Variants in ETV2 observed in about 807,000 individuals in gnomAD.
The protein encoded by ETV2 is ETS variant transcription factor 2.
A neutral mutation model predicts 35.7 loss-of-function variants in ETV2; 34 were observed. That is an observed-to-expected ratio of 0.95 (90% CI 0.72 to 1.27). The LOEUF is 1.27. ETV2 is among the 50% of genes most tolerant of loss of function. ETV2 has a pLI of 0.00. For synonymous variants in ETV2, 207 were observed against 203.9 expected, an observed-to-expected ratio of 1.02 and a Z score of -0.13; for missense variants, 512 against 470.5, an observed-to-expected ratio of 1.09 and a Z score of -0.82.
chr19:35,643,250 C>G lies in ETV2; in HGVS notation c.236-24C>G, dbSNP rs140000431. ...TGAGGGGGCACCTGGGCTCCCCTCACTCGGGATCCGTTACTCCTCACAGAG... is the reference window on the plus strand; with the variant it reads ...TGAGGGGGCACCTGGGCTCCCCTCAGTCGGGATCCGTTACTCCTCACAGAG... On this transcript the variant is annotated intron_variant, in intron 4 of 6. Coordinates refer to ENST00000402764, the MANE Select transcript of ETV2 (RefSeq NM_014209.4). This position sits in a 1 kb window ranked among gnomAD's most constrained non-coding sequence, Gnocchi z 5.0. The G allele has an allele frequency of 4.3e-5, 68 of 1,577,862 alleles. No individual in the cohort carries two copies. The African/African-American group carries it at 8.5e-4, about 20-fold the overall frequency.
chr19:35,644,107 G>A lies in ETV2; in HGVS notation c.716-128G>A. 2.8e-6 allele frequency: 2 copies of A among 724,914 alleles called. No individual in the cohort carries two copies. The highest frequency in any genetic ancestry group is 4.9e-6 in the Non-Finnish European group (2 of 410,260). 44.9% of individuals were successfully genotyped at this position (724,914 alleles called of 1,614,324 possible). Reference sequence around the variant, plus strand: ...CTCCAAGGCTGACTGTTGGATCTCAGAGAAGGGGGGGCGGATCCCCTTCTC... The same window carrying A: ...CTCCAAGGCTGACTGTTGGATCTCAAAGAAGGGGGGGCGGATCCCCTTCTC... On this transcript the variant is annotated intron_variant, in intron 5 of 6. Coordinates refer to ENST00000402764, the MANE Select transcript of ETV2 (RefSeq NM_014209.4). The surrounding 1 kb of genome is among the most constrained non-coding windows in gnomAD (Gnocchi z 4.7).
rs934431614 is a variant in ETV2 at position 35,642,812 on chromosome 19, C to T, written c.154+114C>T. 8.9e-5 allele frequency: 91 copies of T among 1,017,172 alleles called. No individual in the cohort carries two copies. The highest frequency in any genetic ancestry group is 1.2e-4 in the Non-Finnish European group (83 of 669,542). The allele number at this position is 1,017,172 out of a possible 1,614,324, so 63.0% of individuals were successfully genotyped here. On this transcript the variant is annotated intron_variant, in intron 3 of 6. Coordinates refer to ENST00000402764, the MANE Select transcript of ETV2 (RefSeq NM_014209.4). This position sits in a 1 kb window ranked among gnomAD's most constrained non-coding sequence, Gnocchi z 4.4. ...TTCCTGGGACTGGGTGGGGAGGGGC[C>T]GCGTGCTTGACCCCTGAGGGTGAAG...
chr19:35,642,223 C>T lies in ETV2; in HGVS notation c.-28+67C>T. On this transcript the variant is annotated intron_variant, in intron 1 of 6. Coordinates refer to ENST00000402764, the MANE Select transcript of ETV2 (RefSeq NM_014209.4). This position sits in a 1 kb window ranked among gnomAD's most constrained non-coding sequence, Gnocchi z 4.4. Reference sequence around the variant, plus strand: ...TAGGAAGGACCTGGGGGACTAGACTCCCAAGAAGCCGGGGGCCTGGACTCC... The same window carrying T: ...TAGGAAGGACCTGGGGGACTAGACTTCCAAGAAGCCGGGGGCCTGGACTCC... The T allele has an allele frequency of 2.3e-6, 1 of 436,038 alleles. No individual in the cohort carries two copies. Among genetic ancestry groups the T allele is most frequent in the Admixed American group, 4.1e-5 (1 of 24,582 alleles). 27.0% of individuals were successfully genotyped at this position (436,038 alleles called of 1,614,324 possible). A position where few individuals can be genotyped will look rare whatever the true frequency, so the allele number is the denominator to read the frequency against.
chr19:35,642,775 G>T lies in ETV2; in HGVS notation c.154+77G>T. 6 of 1,242,640 alleles carry T rather than the reference G, an allele frequency of 4.8e-6. No individual in the cohort carries two copies. Among genetic ancestry groups the T allele is most frequent in the Non-Finnish European group, 6.9e-6 (6 of 873,856 alleles). 77.0% of individuals were successfully genotyped at this position (1,242,640 alleles called of 1,614,324 possible). A position where few individuals can be genotyped will look rare whatever the true frequency, so the allele number is the denominator to read the frequency against. Reference sequence around the variant, plus strand: ...GATCCTAGGGCAAAGGGAGGAGGGGGGCGTGCCTAGGTTCCTGGGACTGGG... The same window carrying T: ...GATCCTAGGGCAAAGGGAGGAGGGGTGCGTGCCTAGGTTCCTGGGACTGGG... On this transcript the variant is annotated intron_variant, in intron 3 of 6. Coordinates refer to ENST00000402764, the MANE Select transcript of ETV2 (RefSeq NM_014209.4). The surrounding 1 kb of genome is among the most constrained non-coding windows in gnomAD (Gnocchi z 4.4).
rs775696003 is a variant in ETV2 at position 35,644,464 on chromosome 19, C to T, written c.828+117C>T. 1 of 918,062 alleles carries T rather than the reference C, an allele frequency of 1.1e-6. No homozygotes were observed. The highest frequency in any genetic ancestry group is 1.7e-6 in the Non-Finnish European group (1 of 600,266). The allele number at this position is 918,062 out of a possible 1,614,324, so 56.9% of individuals were successfully genotyped here. ...CGGCCCCGCCGCTCCCCGGCCCACT[C>T]GAGGCCCCGCCCAACCCTTCTCAAA... On this transcript the variant is annotated intron_variant, in intron 6 of 6. Transcript: ENST00000402764. This position sits in a 1 kb window ranked among gnomAD's most constrained non-coding sequence, Gnocchi z 4.7.
chr19:35,644,672 G>C lies in ETV2; in HGVS notation c.849G>C (p.Glu283Asp). Residue 283 changes from glutamate (E) to aspartate (D), a missense_variant, in exon 7 of 7, where the codon GAG (glutamate) becomes GAC (aspartate). Transcript: ENST00000402764. This position sits in a 1 kb window ranked among gnomAD's most constrained non-coding sequence, Gnocchi z 4.7. ...DPKEVARLWGERKRKPGMNYE... is the reference protein window; with the variant it reads ...DPKEVARLWGDRKRKPGMNYE... Reference sequence around the variant, plus strand: ...CCTAGGTGGCTCGGCTGTGGGGCGAGCGCAAGAGAAAGCCGGGCATGAATT... The same window carrying C: ...CCTAGGTGGCTCGGCTGTGGGGCGACCGCAAGAGAAAGCCGGGCATGAATT... The C allele has an allele frequency of 1.2e-6, 2 of 1,605,060 alleles. No individual in the cohort carries two copies. Among genetic ancestry groups the C allele is most frequent in the Middle Eastern group, 1.7e-4 (1 of 6,020 alleles).
chr19:35,644,759 G>A lies in ETV2; in HGVS notation c.936G>A (p.Gly312=), dbSNP rs2146365285. 1 of 1,610,998 alleles carries A rather than the reference G, an allele frequency of 6.2e-7. No homozygotes were observed. Among genetic ancestry groups the A allele is most frequent in the African/African-American group, 1.3e-5 (1 of 75,020 alleles). The change falls in exon 7 of 7, where the codon GGG becomes GGA. Residue 312 remains glycine (G), a synonymous_variant. Coordinates refer to ENST00000402764, the MANE Select transcript of ETV2 (RefSeq NM_014209.4). The surrounding 1 kb of genome is among the most constrained non-coding windows in gnomAD (Gnocchi z 4.7). ...GCCGCGACATCGTGCGCAAGAGCGG[G>A]GGGCGAAAGTACACGTACCGCTTCG... is the stretch of plus-strand genomic sequence containing the variant. ...YYRRDIVRKS[G]GRKYTYRFGG... is the part of the protein sequence containing the mutation.
chr19:35,643,382 G>C lies in ETV2; in HGVS notation c.344G>C (p.Gly115Ala). The C allele has an allele frequency of 1.9e-6, 3 of 1,557,116 alleles. No individual in the cohort carries two copies. Among genetic ancestry groups the C allele is most frequent in the Non-Finnish European group, 2.6e-6 (3 of 1,152,562 alleles). Reference protein sequence around the residue: ...ASQTLGPAPLGPGPIPAAGSE... With the variant: ...ASQTLGPAPLAPGPIPAAGSE... ...CAGACCCTGGGCCCCGCCCCTCTCG[G>C]CCCGGGCCCCATCCCCGCCGCCGGC... is the stretch of plus-strand genomic sequence containing the variant. Residue 115 changes from glycine to alanine, a missense_variant, in exon 5 of 7, where the codon GGC becomes GCC. Physicochemically the swap from Gly to Ala is moderately conservative, Grantham distance 60. Transcript: ENST00000402764. This position sits in a 1 kb window ranked among gnomAD's most constrained non-coding sequence, Gnocchi z 5.0.
rs1249808848 is a variant in ETV2 at position 35,642,542 on chromosome 19, A to G, written c.70+12A>G. On this transcript the variant is annotated intron_variant, in intron 2 of 6. Transcript: ENST00000402764. The surrounding 1 kb of genome is among the most constrained non-coding windows in gnomAD (Gnocchi z 4.4). The stretch of plus-strand genomic sequence containing the variant: ...GCTGGCAGGGCTTGGTAGGCTGCCG[A>G]GGCTGCCACAACGTGTGTGGGGAGG... The G allele has an allele frequency of 6.2e-7, 1 of 1,612,694 alleles. No individual in the cohort carries two copies.
In ETV2 at chr19:35,642,667, G is replaced by A. The variant is rs1967633508; in HGVS notation, c.123G>A (p.Thr41=). The A allele has an allele frequency of 1.2e-6, 2 of 1,604,232 alleles. No individual in the cohort carries two copies. The highest frequency in any genetic ancestry group is 1.7e-6 in the Non-Finnish European group (2 of 1,175,532). ...CFPDLALQGD[T]PTATAETCWK... Reference sequence around the variant, plus strand: ...CTGATCTGGCACTCCAAGGGGACACGCCGACAGCGACAGCAGAGACATGCT... The same window carrying A: ...CTGATCTGGCACTCCAAGGGGACACACCGACAGCGACAGCAGAGACATGCT... The change falls in exon 3 of 7, where the codon ACG becomes ACA. Residue 41 remains threonine (T), a synonymous_variant. Transcript: ENST00000402764. This position sits in a 1 kb window ranked among gnomAD's most constrained non-coding sequence, Gnocchi z 4.4.
Position 35,642,262 on chromosome 19 carries a change from G to A in ETV2, c.-28+106G>A, listed in dbSNP as rs972357780. 2 of 532,012 alleles carry A rather than the reference G, an allele frequency of 3.8e-6. No individual in the cohort carries two copies. The highest frequency in any genetic ancestry group is 6.6e-6 in the Non-Finnish European group (2 of 301,780). 33.0% of individuals were successfully genotyped at this position (532,012 alleles called of 1,614,324 possible). On this transcript the variant is annotated intron_variant, in intron 1 of 6. Coordinates refer to ENST00000402764, the MANE Select transcript of ETV2 (RefSeq NM_014209.4). The surrounding 1 kb of genome is among the most constrained non-coding windows in gnomAD (Gnocchi z 4.4). ...GGCCTGGACTCCTGGGTCTAACAGA[G>A]GAAGAGAGCTGGGGTCCCTCACTCC...
At position 35,644,583 on chromosome 19, in the gene ETV2, G is replaced by A; in HGVS notation, c.829-69G>A. 2 of 1,458,598 alleles carry A rather than the reference G, an allele frequency of 1.4e-6. No individual in the cohort carries two copies. Among genetic ancestry groups the A allele is most frequent in the Non-Finnish European group, 9.2e-7 (1 of 1,083,670 alleles). The allele number at this position is 1,458,598 out of a possible 1,614,324, so 90.4% of individuals were successfully genotyped here. ...AGGTCTGCACTGCACACCGCCCCCA[G>A]GCCCGGCCCTCCCCACTATCGCCAA... On this transcript the variant is annotated intron_variant, in intron 6 of 6. Transcript: ENST00000402764. This position sits in a 1 kb window ranked among gnomAD's most constrained non-coding sequence, Gnocchi z 4.7.
chr19:35,643,480 G>A lies in ETV2; in HGVS notation c.442G>A (p.Ala148Thr), dbSNP rs369166558. The stretch of plus-strand genomic sequence containing the variant: ...CACCTCGTGGTCGCGCGCCCAGGCC[G>A]CCGGGAGCAACACCAGCTGGGACTG... ...EATSWSRAQA[A>T]GSNTSWDCSV... The change falls in exon 5 of 7, where the codon GCC becomes ACC. Residue 148 changes from alanine (A) to threonine (T), a missense_variant. Coordinates refer to ENST00000402764, the MANE Select transcript of ETV2 (RefSeq NM_014209.4). This position sits in a 1 kb window ranked among gnomAD's most constrained non-coding sequence, Gnocchi z 5.0. 155 of 1,547,892 alleles carry A rather than the reference G, an allele frequency of 1.0e-4. No homozygotes were observed. Among genetic ancestry groups the A allele is most frequent in the Admixed American group, 1.8e-4 (9 of 50,706 alleles).
Position 35,642,269 on chromosome 19 carries a change from A to G in ETV2, c.-28+113A>G. The G allele has an allele frequency of 1.8e-6, 1 of 545,234 alleles. No homozygotes were observed. The highest frequency in any genetic ancestry group is 2.3e-5 in the South Asian group (1 of 43,484). The allele number at this position is 545,234 out of a possible 1,614,324, so 33.8% of individuals were successfully genotyped here. ...ACTCCTGGGTCTAACAGAGGAAGAG[A>G]GCTGGGGTCCCTCACTCCCAGGACC... On this transcript the variant is annotated intron_variant, in intron 1 of 6. Transcript: ENST00000402764. The surrounding 1 kb of genome is among the most constrained non-coding windows in gnomAD (Gnocchi z 4.4).
At position 35,643,510 on chromosome 19, in the gene ETV2, G is replaced by T. The variant is rs751732564; in HGVS notation, c.472G>T (p.Val158Leu). ...AGSNTSWDCSVGPDGDTYWGS... is the reference protein window; with the variant it reads ...AGSNTSWDCSLGPDGDTYWGS... Reference sequence around the variant, plus strand: ...GAGCAACACCAGCTGGGACTGTTCTGTGGGGCCCGACGGCGATACCTACTG... The same window carrying T: ...GAGCAACACCAGCTGGGACTGTTCTTTGGGGCCCGACGGCGATACCTACTG... The change falls in exon 5 of 7, where the codon GTG becomes TTG. Residue 158 changes from valine to leucine, a missense_variant. Val to Leu is a conservative substitution (Grantham distance 32, BLOSUM62 1). Coordinates refer to ENST00000402764, the MANE Select transcript of ETV2 (RefSeq NM_014209.4). The surrounding 1 kb of genome is among the most constrained non-coding windows in gnomAD (Gnocchi z 5.0). 2.0e-5 allele frequency: 31 copies of T among 1,549,896 alleles called. No individual in the cohort carries two copies. Among genetic ancestry groups the T allele is most frequent in the Non-Finnish European group, 2.7e-5 (31 of 1,146,610 alleles).
At position 35,642,453 on chromosome 19, in the gene ETV2, T is replaced by A; in HGVS notation, c.-8T>A. 6.4e-7 allele frequency: 1 copy of A among 1,570,514 alleles called. No individual in the cohort carries two copies. Among genetic ancestry groups the A allele is most frequent in the Middle Eastern group, 1.7e-4 (1 of 5,876 alleles). ...ACCCAGAACATTCAGAAGGCCTTCA[T>A]CGCATCCATGGACCTGTGGAACTGG... On this transcript the variant is annotated 5_prime_UTR_variant, in exon 2 of 7. Transcript: ENST00000402764. The surrounding 1 kb of genome is among the most constrained non-coding windows in gnomAD (Gnocchi z 4.4).
Position 35,643,129 on chromosome 19 carries a change from G to A in ETV2, c.235+84G>A. Reference sequence around the variant, plus strand: ...GAGGTGTAGACTCCCTGATCTTTGAGGACTGAGAACACCTGCGCCCTCAAG... The same window carrying A: ...GAGGTGTAGACTCCCTGATCTTTGAAGACTGAGAACACCTGCGCCCTCAAG... On this transcript the variant is annotated intron_variant, in intron 4 of 6. Coordinates refer to ENST00000402764, the MANE Select transcript of ETV2 (RefSeq NM_014209.4). This position sits in a 1 kb window ranked among gnomAD's most constrained non-coding sequence, Gnocchi z 5.0. 1.4e-6 allele frequency: 2 copies of A among 1,386,036 alleles called. No homozygotes were observed. The highest frequency in any genetic ancestry group is 2.6e-5 in the South Asian group (2 of 77,950). 85.9% of individuals were successfully genotyped at this position (1,386,036 alleles called of 1,614,324 possible).
chr19:35,643,776 G>A lies in ETV2; in HGVS notation c.715+23G>A, dbSNP rs371278601. On this transcript the variant is annotated intron_variant, in intron 5 of 6. Transcript: ENST00000402764. The surrounding 1 kb of genome is among the most constrained non-coding windows in gnomAD (Gnocchi z 5.0). The stretch of plus-strand genomic sequence containing the variant: ...GAGGTGAGAGGGCCGCAAAGACTGC[G>A]GGGAGGGCGAAGCTGGAGTCCTGAG... The A allele has an allele frequency of 8.7e-6, 14 of 1,612,870 alleles. No individual in the cohort carries two copies. Among genetic ancestry groups the A allele is most frequent in the Admixed American group, 1.7e-5 (1 of 59,920 alleles).
chr19:35,644,648 C>T lies in ETV2; in HGVS notation c.829-4C>T, dbSNP rs1189787813. ...CACTCCGACCGAGCGGGCCTCTGTC[C>T]TAGGTGGCTCGGCTGTGGGGCGAGC... On this transcript the variant is annotated splice_region_variant and splice_polypyrimidine_tract_variant and intron_variant, in intron 6 of 6. Coordinates refer to ENST00000402764, the MANE Select transcript of ETV2 (RefSeq NM_014209.4). This position sits in a 1 kb window ranked among gnomAD's most constrained non-coding sequence, Gnocchi z 4.7. 1.2e-6 allele frequency: 2 copies of T among 1,606,444 alleles called. No individual in the cohort carries two copies. The highest frequency in any genetic ancestry group is 1.7e-6 in the Non-Finnish European group (2 of 1,176,004).
Sources: gnomAD v4.1 joint callset for allele counts on GRCh38, gnomAD v4.1.1 for gene constraint, Gnocchi (gnomAD v3.1) non-coding constraint, MANE v1.5 for transcripts, NCBI Gene and HGNC (gene_info 2026-07-23, HGNC 2026-07-21) for gene names.